The following ANO6 variants were observed in gnomAD, a reference collection of about 807,000 sequenced individuals.
ANO6 encodes anoctamin-6.
A neutral mutation model predicts 117.5 loss-of-function variants in ANO6; 106 were observed. The ratio of observed to expected loss-of-function variants is 0.90; its 90% CI spans 0.77 to 1.06. The LOEUF is 1.06. ANO6 is among the 50% of genes least tolerant of loss of function. The pLI is 0.00. For synonymous variants in ANO6, 367 were observed against 385.1 expected (o/e 0.95, Z 0.55); for missense variants, 955 against 1,121.1 (o/e 0.85, Z 2.12).
intron 1 of ANO6, among the ~76,000 whole-genome samples, chr12:45,270,998 G>A (rs575698410): frequency 6.6e-6 from 1 of 152,272 alleles, no homozygotes; most frequent in South Asian, 2.1e-4. Flanking sequence ...GGGATTACAG[G>A]TGTGGGCCAC....
intron 19 of ANO6, among the ~76,000 whole-genome samples, chr12:45,438,127 C>T (rs1943728667): frequency 6.6e-6 from 1 of 152,074 alleles, no homozygotes; most frequent in Admixed American, 6.6e-5. Context: ...CTCATCCTGC[C>T]CAATGCCCAC....
At position 45,292,644 on chromosome 12, in the gene ANO6, G is replaced by A. The variant is rs978637121; in HGVS notation, c.71-9370G>A. The A allele has an allele frequency of 1.9e-5, 22 of 1,170,832 alleles. No individual in the cohort carries two copies. The East Asian group carries it at 2.3e-4, about 12-fold the overall frequency. The allele number at this position is 1,170,832 out of a possible 1,614,324, so 72.5% of individuals were successfully genotyped here. On this transcript the variant is annotated intron_variant, in intron 1 of 19. Coordinates refer to ENST00000320560, the MANE Select transcript of ANO6 (RefSeq NM_001025356.3). Reference sequence around the variant, plus strand: ...GTTGTTTCCAGCTCTTCCAAAGGACGCATGTTTAACTTCTAGATGTATTTT... The same window carrying A: ...GTTGTTTCCAGCTCTTCCAAAGGACACATGTTTAACTTCTAGATGTATTTT...
intron 8 of ANO6, among the ~76,000 whole-genome samples, chr12:45,358,596 T>G (rs766868547): frequency 2.2e-4 from 33 of 152,328 alleles, no homozygotes; most frequent in Non-Finnish European, 3.8e-4. Flanking sequence ...ACCACATATT[T>G]CCTAGCATTT....
intron 1 of ANO6, among the ~76,000 whole-genome samples, chr12:45,225,903 C>T (rs1472210212): frequency 6.6e-6 from 1 of 152,144 alleles, no homozygotes; most frequent in African/African-American, 2.4e-5. Flanking sequence ...TTACCTTTAG[C>T]CAACGAAATG....
intron 1 of ANO6, among the ~76,000 whole-genome samples, chr12:45,242,685 G>T (rs1341049583): frequency 6.6e-6 from 1 of 152,164 alleles, no homozygotes; most frequent in Non-Finnish European, 1.5e-5. Context: ...TACCAGAGCT[G>T]TTCCTATTCG....
Position 45,364,716 on chromosome 12 carries a change from A to G in ANO6, c.999-2972A>G, listed in dbSNP as rs536355864. On this transcript the variant is annotated intron_variant, in intron 8 of 19. Coordinates refer to ENST00000320560, the MANE Select transcript of ANO6 (RefSeq NM_001025356.3). ...TAGGTGAGATTTCCTTTAGTTCTCC[A>G]AATATGTATAACTGCTAAATATAAA... Among the ~76,000 whole-genome samples, 73 of 152,310 alleles carry G rather than the reference A, an allele frequency of 4.8e-4. 1 individual carries two copies. Among genetic ancestry groups the G allele is most frequent in the African/African-American group, 1.8e-3 (73 of 41,570 alleles).
At chr12:45,320,748 T>A (rs867177628) in intron 2 of ANO6, among the ~76,000 whole-genome samples, 130 of 152,128 alleles carry the variant, frequency 8.5e-4, no homozygotes, top group African/African-American at 2.8e-3. Context: ...ATTGTGTGGG[T>A]GTCTAAGTCT....
At chr12:45,414,954 G>A (rs1056593563) in intron 16 of ANO6, among the ~76,000 whole-genome samples, 1 of 152,090 alleles carries the variant, frequency 6.6e-6, no homozygotes, top group African/African-American at 2.4e-5. Context: ...TGTAGAGACA[G>A]GGTATGTTGC....
chr12:45,416,392 ATATGCT>A, intron 16 of ANO6, among the ~76,000 whole-genome samples: 1 of 152,346 alleles, frequency 6.6e-6, no homozygotes, highest in East Asian at 1.9e-4. Flanking sequence ...AGAATGAATA[ATATGCT>A]TATGATGTCT....
Position 45,307,556 on chromosome 12 carries a change from G to C in ANO6, c.150+5463G>C, listed in dbSNP as rs74083307. Among the ~76,000 whole-genome samples the C allele has an allele frequency of 7.3e-3, 1,109 of 152,268 alleles. 16 individuals are homozygous for C. The highest frequency in any genetic ancestry group is 0.026 in the African/African-American group (1,065 of 41,568). ...TTGAGACATTCAGGTGGAGAAGTCA[G>C]TATGCAGTGGGATATGTGAACCTGG... On this transcript the variant is annotated intron_variant, in intron 2 of 19. Coordinates refer to ENST00000320560, the MANE Select transcript of ANO6 (RefSeq NM_001025356.3).
Position 45,378,123 on chromosome 12 carries a change from T to G in ANO6, c.1165+10T>G. ...TTTATGGGAGTATGGGGTAAGTTTT[T>G]TTTTTTTTTTTCATGCACTCAATTT... On this transcript the variant is annotated intron_variant, in intron 10 of 19. Coordinates refer to ENST00000320560, the MANE Select transcript of ANO6 (RefSeq NM_001025356.3). 6.2e-7 allele frequency: 1 copy of G among 1,606,300 alleles called. No homozygotes were observed. The highest frequency in any genetic ancestry group is 1.3e-5 in the African/African-American group (1 of 74,454).
chr12:45,421,033 T>C, intron 17 of ANO6, 38 bp from the exon 18 acceptor site: 4 of 1,607,644 alleles, frequency 2.5e-6, no homozygotes, highest in South Asian at 1.1e-5. Context: ...AACAAAAAAC[T>C]ATAACTTCAT....
intron 2 of ANO6, among the ~76,000 whole-genome samples, chr12:45,328,262 G>T (rs1175882105): frequency 6.6e-6 from 1 of 152,028 alleles, no homozygotes; most frequent in Admixed American, 6.6e-5. Context: ...TCCCCTGTGT[G>T]TCCAGAGTTA....
At chr12:45,409,063 A>C (rs1195343230) in intron 15 of ANO6, among the ~76,000 whole-genome samples, 1 of 152,234 alleles carries the variant, frequency 6.6e-6, no homozygotes, top group Non-Finnish European at 1.5e-5. Context: ...GAAAAAACAA[A>C]CAACTGAAGT....
chr12:45,382,682 C>A (rs894199077), intron 10 of ANO6, among the ~76,000 whole-genome samples: 3 of 152,124 alleles, frequency 2.0e-5, no homozygotes, highest in Admixed American at 1.3e-4. Context: ...GGGAGCCACA[C>A]AAATTTTTGT....
At chr12:45,409,091 A>G (rs1170417103) in intron 15 of ANO6, among the ~76,000 whole-genome samples, 3 of 152,260 alleles carry the variant, frequency 2.0e-5, no homozygotes, top group Non-Finnish European at 2.9e-5. Context: ...ATAAAGGAAC[A>G]TGCCTTTTAA....
intron 9 of ANO6, among the ~76,000 whole-genome samples, chr12:45,376,412 T>C (rs1161443595): frequency 7.4e-6 from 1 of 135,062 alleles, no homozygotes; most frequent in African/African-American, 3.0e-5. Flanking sequence ...CGTATGTTTA[T>C]TGCGGCATTA....
chr12:45,277,644 C>A (rs140756694), intron 1 of ANO6, among the ~76,000 whole-genome samples: 1 of 152,000 alleles, frequency 6.6e-6, no homozygotes, highest in South Asian at 2.1e-4. Flanking sequence ...TTTAAACTTG[C>A]GGGTCTGACA....
intron 1 of ANO6, chr12:45,293,019 G>C: frequency 6.6e-7 from 1 of 1,525,748 alleles, no homozygotes. Context: ...TATAAATATT[G>C]TCCAAATATT....
Sources: allele counts gnomAD v4.1 joint callset (sites outside exome capture counted in the v4.1 genomes callset), GRCh38; gene constraint gnomAD v4.1.1; transcripts MANE v1.5; gene names NCBI Gene and HGNC (gene_info 2026-07-23, HGNC 2026-07-21).